Variants in DMD observed in about 807,000 individuals in gnomAD.
DMD encodes mutant dystrophin.
DMD carries 63 observed loss-of-function variants against 330.1 expected under a neutral mutation model. The ratio of observed to expected loss-of-function variants is 0.19; its 90% confidence interval spans 0.16 to 0.24. The LOEUF (loss-of-function observed/expected upper bound fraction) is 0.24. Among genes scored for constraint, DMD ranks in the 10% least tolerant of loss-of-function variants. The pLI is 1.00. For synonymous variants in DMD, 1,223 were observed against 959.8 expected, an observed-to-expected ratio of 1.27 and a Z score of -5.07; for missense variants, 3,344 against 2,684.1, an observed-to-expected ratio of 1.25 and a Z score of -5.43.
At chrX:32,817,319 T>C (rs1344707235) in intron 5 of DMD, among the ~76,000 whole-genome samples, 1 of 112,020 alleles carries the variant, frequency 8.9e-6, no homozygotes, top group Non-Finnish European at 1.9e-5. Flanking sequence ...CTAAGAGGTG[T>C]ACATATGTAG....
At chrX:32,480,575 T>A (rs1427876304) in intron 21 of DMD, among the ~76,000 whole-genome samples, 1 of 111,213 alleles carries the variant, frequency 9.0e-6, no homozygotes, top group Non-Finnish European at 1.9e-5. Context: ...TTTGCCTACG[T>A]GAGTATTTAC....
intron 34 of DMD, among the ~76,000 whole-genome samples, chrX:32,372,299 G>A (rs2097881998): frequency 9.0e-6 from 1 of 111,674 alleles, no homozygotes; most frequent in Non-Finnish European, 1.9e-5. Flanking sequence ...ATGTACATGG[G>A]AAATATCAGA....
chrX:33,124,152 G>A (rs1240026434), intron 1 of DMD, among the ~76,000 whole-genome samples: 1 of 107,962 alleles, frequency 9.3e-6, no homozygotes, highest in Non-Finnish European at 1.9e-5. Flanking sequence ...GGCGACAGAG[G>A]GAGACGCTGT....
chrX:31,421,956 T>TACACAC (rs1451935594), intron 60 of DMD, among the ~76,000 whole-genome samples: 26 of 62,123 alleles, frequency 4.2e-4, no homozygotes, highest in South Asian at 2.2e-3. Flanking sequence ...TATATATATA[T>TACACAC]ATACACATAT....
intron 7 of DMD, among the ~76,000 whole-genome samples, chrX:32,769,004 T>A (rs1466858254): frequency 1.8e-5 from 2 of 111,926 alleles, no homozygotes; most frequent in Non-Finnish European, 3.8e-5. Flanking sequence ...AAGAAGTCAC[T>A]GTGGCTTTTC....
chrX:31,690,584 G>C (rs940839228), intron 52 of DMD, among the ~76,000 whole-genome samples: 1 of 111,959 alleles, frequency 8.9e-6, no homozygotes, highest in African/African-American at 3.3e-5. Flanking sequence ...TCTAGAACTA[G>C]AAATACCATT....
chrX:32,068,856 A>G (rs1239448900), intron 44 of DMD, among the ~76,000 whole-genome samples: 3 of 111,414 alleles, frequency 2.7e-5, no homozygotes, highest in Non-Finnish European at 5.7e-5. Context: ...TATGGAAGTG[A>G]GGTAGGTGAG....
intron 55 of DMD, among the ~76,000 whole-genome samples, chrX:31,581,955 T>A (rs1159986329): frequency 8.9e-6 from 1 of 111,940 alleles, no homozygotes; most frequent in African/African-American, 3.2e-5. Flanking sequence ...TATCTTTACA[T>A]ACTTGTATAC....
At chrX:32,277,461 T>C (rs180943634) in intron 43 of DMD, among the ~76,000 whole-genome samples, 511 of 111,811 alleles carry the variant, frequency 4.6e-3, no homozygotes, top group African/African-American at 0.016. Flanking sequence ...ATCTGCACTA[T>C]AGAATAAATG....
intron 44 of DMD, among the ~76,000 whole-genome samples, chrX:32,173,807 T>C (rs2096896823): frequency 1.8e-5 from 2 of 112,205 alleles, no homozygotes; most frequent in Admixed American, 9.5e-5. Context: ...AGACATCTCA[T>C]TTTCCTGTTA....
intron 2 of DMD, among the ~76,000 whole-genome samples, chrX:32,997,459 T>G (rs2093154064): frequency 8.9e-6 from 1 of 111,823 alleles, no homozygotes; most frequent in East Asian, 2.8e-4. Flanking sequence ...TTGGTCAGGC[T>G]GGTCTCGAAC....
intron 7 of DMD, among the ~76,000 whole-genome samples, chrX:32,797,149 C>T (rs1188444807): frequency 1.8e-5 from 2 of 110,734 alleles, no homozygotes; most frequent in African/African-American, 6.6e-5. Context: ...GGGGACAGGG[C>T]CTCAGTTCTT....
chrX:31,333,176 T>A (rs2057229004), intron 61 of DMD, among the ~76,000 whole-genome samples: 1 of 112,108 alleles, frequency 8.9e-6, no homozygotes, highest in African/African-American at 3.2e-5. Context: ...TTATATACTA[T>A]ATTAGTATTG....
chrX:32,878,191 C>G (rs565142992), intron 2 of DMD, among the ~76,000 whole-genome samples: 4 of 111,076 alleles, frequency 3.6e-5, no homozygotes, highest in African/African-American at 1.3e-4. Flanking sequence ...CTGGCTAACA[C>G]GGTGAAACCC....
intron 7 of DMD, among the ~76,000 whole-genome samples, chrX:32,732,593 G>C (rs866698103): frequency 4.5e-5 from 5 of 111,475 alleles, no homozygotes; most frequent in African/African-American, 6.5e-5. Flanking sequence ...CCAGAAGAGA[G>C]TGGGGGCCAA....
In DMD at chrX:31,209,666, G is replaced by T. The variant is rs200592992; in HGVS notation, c.9395C>A (p.Ala3132Asp). 10 of 1,209,235 alleles carry T rather than the reference G, an allele frequency of 8.3e-6. No individual in the cohort carries two copies. The highest frequency in any genetic ancestry group is 1.0e-5 in the Non-Finnish European group (9 of 894,925). Residue 3132 changes from alanine to aspartate, a missense_variant, in exon 65 of 79, where the codon GCC becomes GAC. Coordinates refer to ENST00000357033, the MANE Select transcript of DMD (RefSeq NM_004006.3). ...TTGCTTGAGGTTGTGCTGGTCCAAGGCATCACATGCAGCTGACAGGCTCAA... is the reference window on the plus strand; with the variant it reads ...TTGCTTGAGGTTGTGCTGGTCCAAGTCATCACATGCAGCTGACAGGCTCAA... ...DLLSLSAACD[A>D]LDQHNLKQND...
At chrX:32,866,213 G>A (rs962880743) in intron 2 of DMD, among the ~76,000 whole-genome samples, 2 of 112,024 alleles carry the variant, frequency 1.8e-5, no homozygotes, top group Non-Finnish European at 3.8e-5. Flanking sequence ...GCAGAGCTGA[G>A]CTGAGATCAG....
intron 7 of DMD, among the ~76,000 whole-genome samples, chrX:32,746,571 T>C (rs1015980622): frequency 1.8e-5 from 2 of 111,653 alleles, no homozygotes; most frequent in Non-Finnish European, 3.8e-5. Context: ...CTTTTTAATG[T>C]TTAATCGACA....
intron 63 of DMD, among the ~76,000 whole-genome samples, chrX:31,250,489 G>A (rs773600592): frequency 4.8e-4 from 54 of 111,912 alleles, no homozygotes; most frequent in African/African-American, 1.7e-3. Flanking sequence ...ATCCTCCCCC[G>A]ACCTGAGTCA....
Sources: gnomAD v4.1 joint callset for allele counts (sites outside exome capture counted in the v4.1 genomes callset) on GRCh38, gnomAD v4.1.1 for gene constraint, MANE v1.5 for transcripts, NCBI Gene and HGNC (gene_info 2026-07-23, HGNC 2026-07-21) for gene names.